The following CCDC3 variants were observed in gnomAD, a reference collection of about 807,000 sequenced individuals.
The protein encoded by CCDC3 is coiled-coil domain-containing protein 3.
Under a neutral mutation model 21.4 loss-of-function variants are expected in CCDC3, and 24 were observed. The observed-to-expected ratio is 1.12, with a 90% CI of 0.81 to 1.58. The LOEUF is 1.58. Among genes scored for constraint, CCDC3 ranks in the 40% most tolerant of loss-of-function variants. The probability of loss-of-function intolerance (pLI) is 0.00; values close to 1 mark genes in which losing one functional copy is unlikely to be tolerated. For synonymous variants in CCDC3, 186 were observed against 166.0 expected, an observed-to-expected ratio of 1.12 and a Z score of -0.93; for missense variants, 425 against 360.9, an observed-to-expected ratio of 1.18 and a Z score of -1.44.
At chr10:13,014,892 C>T (rs1168784463) in intron 5 of CCDC3, among the ~76,000 whole-genome samples, 1 of 151,944 alleles carries the variant, frequency 6.6e-6, no homozygotes, top group Admixed American at 6.6e-5. Context: ...GGTAATTGTG[C>T]AAGAATCAAC....
chr10:13,062,881 C>G (rs1836774568), intron 4 of CCDC3, among the ~76,000 whole-genome samples: 1 of 152,102 alleles, frequency 6.6e-6, no homozygotes, highest in Admixed American at 6.5e-5. Flanking sequence ...TCATCTGACA[C>G]TACCCAGATC....
At chr10:12,999,615 A>C (rs548264960) in intron 1 of CCDC3, among the ~76,000 whole-genome samples, 1 of 152,346 alleles carries the variant, frequency 6.6e-6, no homozygotes, top group East Asian at 1.9e-4. Flanking sequence ...GTGAAATGAA[A>C]ATGTCAGACT....
intron 2 of CCDC3, among the ~76,000 whole-genome samples, chr10:12,984,859 T>C (rs1835562630): frequency 6.6e-6 from 1 of 152,118 alleles, no homozygotes; most frequent in Non-Finnish European, 1.5e-5. Flanking sequence ...GGCAAAGCCA[T>C]AGAGACAGAA....
chr10:13,032,183 GA>G (rs137929135), intron 5 of CCDC3, among the ~76,000 whole-genome samples: 120,931 of 151,930 alleles, frequency 0.8, 49,060 homozygotes, highest in Non-Finnish European at 0.87. Flanking sequence ...AAGGCTGGTT[GA>G]AACATATGCA....
At chr10:13,039,745 T>C (rs534752156) in intron 5 of CCDC3, among the ~76,000 whole-genome samples, 62 of 152,206 alleles carry the variant, frequency 4.1e-4, no homozygotes, top group African/African-American at 1.4e-3. Context: ...TGGATCTGAT[T>C]TCCTCCTTGT....
chr10:13,050,059 C>A (rs1203080543), intron 4 of CCDC3: 1 of 151,978 alleles, frequency 6.6e-6, no homozygotes, highest in Admixed American at 6.6e-5. Context: ...TCTGAAAACC[C>A]AAAAAGTGAA....
At chr10:13,055,833 G>T (rs1836674946) in intron 4 of CCDC3, among the ~76,000 whole-genome samples, 1 of 152,176 alleles carries the variant, frequency 6.6e-6, no homozygotes, top group Admixed American at 6.5e-5. Flanking sequence ...AAGCTACTGT[G>T]CTTTCTCCTT....
intron 2 of CCDC3, among the ~76,000 whole-genome samples, chr10:12,984,980 TGA>T (rs1015722236): frequency 2.0e-5 from 3 of 152,208 alleles, no homozygotes; most frequent in Non-Finnish European, 4.4e-5. Flanking sequence ...TTAAAAGTGG[TGA>T]CGGTTACACA....
At chr10:13,034,936 G>A (rs948102910) in intron 5 of CCDC3, among the ~76,000 whole-genome samples, 1 of 151,514 alleles carries the variant, frequency 6.6e-6, no homozygotes, top group Non-Finnish European at 1.5e-5. Flanking sequence ...TGAGGCAGGA[G>A]AATCGCTTGA....
At chr10:12,928,523 G>A (rs576158852) in intron 2 of CCDC3, among the ~76,000 whole-genome samples, 24 of 152,290 alleles carry the variant, frequency 1.6e-4, no homozygotes, top group Admixed American at 1.2e-3. Context: ...TCTCTTGGCA[G>A]GGCTGCACTT....
chr10:13,046,847 C>G (rs978158688), intron 5 of CCDC3, among the ~76,000 whole-genome samples: 6 of 151,836 alleles, frequency 4.0e-5, no homozygotes, highest in African/African-American at 1.5e-4. Flanking sequence ...TCTCTGACAA[C>G]TCAATTAGGT....
intron 4 of CCDC3, among the ~76,000 whole-genome samples, chr10:13,053,331 G>A (rs1836636818): frequency 6.6e-6 from 1 of 152,114 alleles, no homozygotes. Context: ...CACTTTGGAA[G>A]GCTGAGGTGG....
intron 2 of CCDC3, among the ~76,000 whole-genome samples, chr10:12,988,295 T>A (rs1451636015): frequency 6.6e-6 from 1 of 152,200 alleles, no homozygotes; most frequent in African/African-American, 2.4e-5. Context: ...TCTGTGTCCT[T>A]CAGATTTCAG....
chr10:12,982,824 A>C (rs1299190371), intron 2 of CCDC3, among the ~76,000 whole-genome samples: 2 of 136,876 alleles, frequency 1.5e-5, no homozygotes, highest in African/African-American at 2.7e-5. Flanking sequence ...AAAAAACCAT[A>C]CCTCTATGCA....
At chr10:13,072,734 T>A (rs1183309255) in intron 4 of CCDC3, among the ~76,000 whole-genome samples, 1 of 152,078 alleles carries the variant, frequency 6.6e-6, no homozygotes, top group Non-Finnish European at 1.5e-5. Context: ...CTTCAATGTG[T>A]CCACATGTCT....
At chr10:13,066,066 A>T (rs1280946712) in intron 4 of CCDC3, among the ~76,000 whole-genome samples, 1 of 152,132 alleles carries the variant, frequency 6.6e-6, no homozygotes, top group African/African-American at 2.4e-5. Flanking sequence ...ATCTGAAATG[A>T]TTGAGATGCA....
chr10:13,072,635 G>A (rs1350785573), intron 4 of CCDC3, among the ~76,000 whole-genome samples: 1 of 151,968 alleles, frequency 6.6e-6, no homozygotes, highest in Non-Finnish European at 1.5e-5. Flanking sequence ...TGTGAGGTGG[G>A]AGGCCTGTTA....
intron 2 of CCDC3, among the ~76,000 whole-genome samples, chr10:12,957,973 GCT>G (rs1835119137): frequency 6.6e-6 from 1 of 152,046 alleles, no homozygotes; most frequent in Non-Finnish European, 1.5e-5. Flanking sequence ...GGAACTACAG[GCT>G]CACACCACGT....
chr10:12,899,214 A>G (rs567942003), intron 2 of CCDC3, among the ~76,000 whole-genome samples: 1 of 152,312 alleles, frequency 6.6e-6, no homozygotes, highest in African/African-American at 2.4e-5. Flanking sequence ...TTCACAGGAA[A>G]GAAAACGCCA....
Sources: allele counts gnomAD v4.1 joint callset (sites outside exome capture counted in the v4.1 genomes callset), GRCh38; gene constraint gnomAD v4.1.1; transcripts MANE v1.5; gene names NCBI Gene and HGNC (gene_info 2026-07-23, HGNC 2026-07-21).